Variants in FAM91A1 observed in about 807,000 individuals in gnomAD.
The protein encoded by FAM91A1 is family with sequence similarity 91 member A1, also known as protein FAM91A1.
In FAM91A1, 41 loss-of-function variants were observed where a neutral mutation model predicts 113.5. The observed-to-expected ratio is 0.36, with a 90% confidence interval of 0.28 to 0.47. The LOEUF (loss-of-function observed/expected upper bound fraction) is 0.47. Ranked by LOEUF, FAM91A1 falls within the 20% of genes least tolerant of loss-of-function variation. The probability of loss-of-function intolerance (pLI) is 1.00; values close to 1 mark genes in which losing one functional copy is unlikely to be tolerated. For missense variants in FAM91A1, 696 were observed against 1,001.2 expected, an observed-to-expected ratio of 0.70 and a Z score of 4.11; for synonymous variants, 307 against 347.9, an observed-to-expected ratio of 0.88 and a Z score of 1.31.
chr8:123,804,490 TAAAAAAAAAAAAAAAA>T (rs57808944), intron 18 of FAM91A1, among the ~76,000 whole-genome samples: 25 of 73,834 alleles, frequency 3.4e-4, no homozygotes, highest in African/African-American at 1.1e-3. Context: ...GACTCTGTTT[TAAAAAAAAAAAAAAAA>T]AAAAAAAAAA....
intron 21 of FAM91A1, 131 bp from the exon 22 acceptor site, chr8:123,808,762 C>T (rs1815876037): frequency 2.3e-6 from 2 of 876,838 alleles, no homozygotes; most frequent in African/African-American, 1.7e-5. Context: ...CCCTGCCAAG[C>T]CCACTGGTGG....
chr8:123,788,296 T>C (rs1362554462), intron 14 of FAM91A1: 4 of 926,626 alleles, frequency 4.3e-6, no homozygotes, highest in East Asian at 2.3e-4. Context: ...CTGATTGCCC[T>C]TTATTGGTGT....
chr8:123,796,103 A>G (rs1815513134), intron 15 of FAM91A1, among the ~76,000 whole-genome samples: 1 of 152,202 alleles, frequency 6.6e-6, no homozygotes, highest in African/African-American at 2.4e-5. Flanking sequence ...TGTGTTCAAC[A>G]CTGAAGGCAT....
At chr8:123,808,758 C>G (rs1815875914) in intron 21 of FAM91A1, 135 bp from the exon 22 acceptor site, 1 of 849,756 alleles carries the variant, frequency 1.2e-6, no homozygotes, top group Admixed American at 3.1e-5. Flanking sequence ...CCTCCCCTGC[C>G]AAGCCCACTG....
At chr8:123,786,655 G>A in intron 12 of FAM91A1, 45 bp downstream of exon 12, 1 of 1,396,344 alleles carries the variant, frequency 7.2e-7, no homozygotes, top group Non-Finnish European at 1.0e-6. Flanking sequence ...TGTAGGTACG[G>A]CACATGTCCA....
At chr8:123,804,421 G>A (rs1311371599) in intron 18 of FAM91A1, among the ~76,000 whole-genome samples, 2 of 149,244 alleles carry the variant, frequency 1.3e-5, no homozygotes, top group East Asian at 2.0e-4. Flanking sequence ...AACCTGGGAG[G>A]TGGAGATTGC....
At chr8:123,777,500 T>C (rs1189312869) in intron 4 of FAM91A1, among the ~76,000 whole-genome samples, 178 bp downstream of exon 4, 1 of 152,242 alleles carries the variant, frequency 6.6e-6, no homozygotes. Context: ...TAAGATTTAC[T>C]CTAAATGTCT....
chr8:123,778,265 T>C (rs1253359768), intron 5 of FAM91A1, among the ~76,000 whole-genome samples, 173 bp downstream of exon 5: 1 of 152,250 alleles, frequency 6.6e-6, no homozygotes, highest in Non-Finnish European at 1.5e-5. Context: ...TAAATGATTA[T>C]TTAAAATTTT....
At chr8:123,775,324 G>T in intron 3 of FAM91A1, 26 bp downstream of exon 3, 2 of 1,608,638 alleles carry the variant, frequency 1.2e-6, no homozygotes, top group Non-Finnish European at 1.7e-6. Flanking sequence ...GGGTGAGCCA[G>T]TGGGAATGGG....
chr8:123,787,573 A>T, intron 13 of FAM91A1, 91 bp from the exon 14 acceptor site: 1 of 1,163,290 alleles, frequency 8.6e-7, no homozygotes, highest in South Asian at 1.6e-5. Context: ...TTAAGTTTAA[A>T]TATATTTGAA....
At chr8:123,788,188 C>G in intron 14 of FAM91A1, 1 of 985,210 alleles carries the variant, frequency 1.0e-6, no homozygotes. Context: ...TCCGCTCTCA[C>G]TATCCCTTTT....
At chr8:123,809,718 T>C (rs562739039) in intron 22 of FAM91A1, among the ~76,000 whole-genome samples, 1 of 152,326 alleles carries the variant, frequency 6.6e-6, no homozygotes, top group South Asian at 2.1e-4. Context: ...GTAATGTAGC[T>C]TTTATCAGAA....
rs1347003664 is a variant in FAM91A1 at position 123,813,395 on chromosome 8, T to C, written c.*691T>C. On this transcript the variant is annotated 3_prime_UTR_variant, in exon 24 of 24. Coordinates refer to ENST00000334705, the MANE Select transcript of FAM91A1 (RefSeq NM_144963.4). ...TAAACACCATTTATATGTGGACTTC[T>C]GTTGTCACTGACTTTGGGCTTTATA... 1.3e-5 allele frequency: 2 copies of C among 152,662 alleles called. No homozygotes were observed. Among genetic ancestry groups the C allele is most frequent in the Admixed American group, 1.3e-4 (2 of 15,284 alleles). 9.5% of individuals were successfully genotyped at this position (152,662 alleles called of 1,614,324 possible). A position where few individuals can be genotyped will look rare whatever the true frequency, so the allele number is the denominator to read the frequency against.
chr8:123,807,777 C>T (rs1815848336), intron 20 of FAM91A1, among the ~76,000 whole-genome samples: 1 of 152,104 alleles, frequency 6.6e-6, no homozygotes, highest in Non-Finnish European at 1.5e-5. Flanking sequence ...ATTTGTTGGA[C>T]AGTAGTAGAA....
At chr8:123,806,047 T>C in intron 19 of FAM91A1, 33 bp from the exon 20 acceptor site, 2 of 1,498,104 alleles carry the variant, frequency 1.3e-6, no homozygotes, top group Non-Finnish European at 1.8e-6. Context: ...TATTAGAAAC[T>C]GTTCATTAAT....
intron 1 of FAM91A1, among the ~76,000 whole-genome samples, chr8:123,770,678 C>T (rs1814817590): frequency 6.6e-6 from 1 of 152,192 alleles, no homozygotes; most frequent in Admixed American, 6.5e-5. Context: ...TTATATCCAA[C>T]ATGAATATTT....
chr8:123,775,140 T>C lies in FAM91A1; in HGVS notation c.158-7T>C. 1 of 1,583,658 alleles carries C rather than the reference T, an allele frequency of 6.3e-7. No individual in the cohort carries two copies. The highest frequency in any genetic ancestry group is 1.2e-5 in the South Asian group (1 of 86,616). ...AAAAAACTGGAGAATTTCCCTCTTT[T>C]GTGCAGTTAAACATGTCAAGAAAGA... On this transcript the variant is annotated splice_region_variant and splice_polypyrimidine_tract_variant and intron_variant, in intron 2 of 23. Coordinates refer to ENST00000334705, the MANE Select transcript of FAM91A1 (RefSeq NM_144963.4).
At chr8:123,811,478 C>T (rs970411888) in intron 23 of FAM91A1, 1 of 152,004 alleles carries the variant, frequency 6.6e-6, no homozygotes, top group Non-Finnish European at 1.5e-5. Flanking sequence ...CAGTGAAGGC[C>T]TTGGCCATAG....
chr8:123,774,241 A>G, intron 2 of FAM91A1, 77 bp downstream of exon 2: 1 of 1,158,228 alleles, frequency 8.6e-7, no homozygotes, highest in Non-Finnish European at 1.3e-6. Flanking sequence ...TTTTCAATAC[A>G]TATTTCATAG....
Sources: gnomAD v4.1 joint callset for allele counts (sites outside exome capture counted in the v4.1 genomes callset) on GRCh38, gnomAD v4.1.1 for gene constraint, MANE v1.5 for transcripts, NCBI Gene and HGNC (gene_info 2026-07-23, HGNC 2026-07-21) for gene names.